The following HERC6 variants were observed in gnomAD, a reference collection of about 807,000 sequenced individuals.
The protein encoded by HERC6 is HECT and RLD domain containing E3 ubiquitin protein ligase family member 6.
A neutral mutation model predicts 114.5 loss-of-function variants in HERC6; 101 were observed. The ratio of observed to expected loss-of-function variants is 0.88; its 90% CI spans 0.75 to 1.04. HERC6 has a LOEUF of 1.04. HERC6 is among the 50% of genes least tolerant of loss of function. The probability of loss-of-function intolerance (pLI) is 0.00; values close to 1 mark genes in which losing one functional copy is unlikely to be tolerated. For synonymous variants in HERC6, 408 were observed against 436.2 expected, an observed-to-expected ratio of 0.94 and a Z score of 0.81; for missense variants, 1,133 against 1,230.9, an observed-to-expected ratio of 0.92 and a Z score of 1.19.
chr4:88,394,468 C>T (rs1735104186), intron 5 of HERC6, among the ~76,000 whole-genome samples: 1 of 126,374 alleles, frequency 7.9e-6, no homozygotes, highest in South Asian at 2.7e-4. Context: ...GCAAGACTCT[C>T]CTGTCCAAAA....
At position 88,381,803 on chromosome 4, in the gene HERC6, G is replaced by A. The variant is rs182054027; in HGVS notation, c.200-1418G>A. Among the ~76,000 whole-genome samples, 297 of 152,072 alleles carry A rather than the reference G, an allele frequency of 2.0e-3. 1 individual carries two copies. Among genetic ancestry groups the A allele is most frequent in the Non-Finnish European group, 3.1e-3 (211 of 67,980 alleles). On this transcript the variant is annotated intron_variant, in intron 1 of 22. Coordinates refer to ENST00000264346, the MANE Select transcript of HERC6 (RefSeq NM_017912.4). ...AAACTCCTGACCTCGTGATCCACCC[G>A]CCTCGGCCTCCCAAAGTGCTGGGAT...
At chr4:88,418,376 C>T (rs553922646) in intron 13 of HERC6, among the ~76,000 whole-genome samples, 7 of 152,306 alleles carry the variant, frequency 4.6e-5, no homozygotes, top group African/African-American at 1.7e-4. Context: ...CAAAAAATGA[C>T]TTAGGACAAG....
At chr4:88,410,423 T>A (rs1736030490) in intron 11 of HERC6, among the ~76,000 whole-genome samples, 1 of 152,166 alleles carries the variant, frequency 6.6e-6, no homozygotes, top group Admixed American at 6.5e-5. Context: ...GGAGGCAGGT[T>A]TGCACTAAGC....
chr4:88,420,635 G>T (rs926642698), intron 13 of HERC6, among the ~76,000 whole-genome samples: 16 of 151,998 alleles, frequency 1.1e-4, no homozygotes, highest in African/African-American at 3.6e-4. Context: ...GCTTTATTGA[G>T]ATATAATTCT....
intron 2 of HERC6, among the ~76,000 whole-genome samples, chr4:88,385,234 T>C (rs1365350099): frequency 6.6e-6 from 1 of 152,210 alleles, no homozygotes; most frequent in Non-Finnish European, 1.5e-5. Context: ...ATAAAATTAG[T>C]ATATTAGATA....
chr4:88,405,615 T>A lies in HERC6; in HGVS notation c.1274+2T>A. On this transcript the variant is annotated splice_donor_variant, in intron 10 of 22. Coordinates refer to ENST00000264346, the MANE Select transcript of HERC6 (RefSeq NM_017912.4). LOFTEE classifies it high-confidence loss of function. Reference sequence around the variant, plus strand: ...GACTGCAAGTTTTTTAAAGAAAAGGTAATACTTACATAAGATTTACCTTCA... The same window carrying A: ...GACTGCAAGTTTTTTAAAGAAAAGGAAATACTTACATAAGATTTACCTTCA... 6.8e-7 allele frequency: 1 copy of A among 1,461,192 alleles called. No individual in the cohort carries two copies. Among genetic ancestry groups the A allele is most frequent in the Non-Finnish European group, 9.4e-7 (1 of 1,064,022 alleles). 90.5% of individuals were successfully genotyped at this position (1,461,192 alleles called of 1,614,324 possible). A position where few individuals can be genotyped will look rare whatever the true frequency, so the allele number is the denominator to read the frequency against.
At position 88,379,139 on chromosome 4, in the gene HERC6, G is replaced by A. The variant is rs896938930; in HGVS notation, c.199+19G>A. 5 of 1,529,910 alleles carry A rather than the reference G, an allele frequency of 3.3e-6. No homozygotes were observed. In the Admixed American group the frequency reaches 9.9e-5, roughly 30 times the overall value. The allele number at this position is 1,529,910 out of a possible 1,614,324, so 94.8% of individuals were successfully genotyped here. On this transcript the variant is annotated intron_variant, in intron 1 of 22. Transcript: ENST00000264346. ...CTGCCAGGTGAGCGGGGGGCCCCAG[G>A]TGCAGGGTGTGAGGACCCCAGTACA...
At chr4:88,401,350 G>A (rs886735805) in intron 8 of HERC6, among the ~76,000 whole-genome samples, 3 of 151,818 alleles carry the variant, frequency 2.0e-5, no homozygotes, top group African/African-American at 7.3e-5. Flanking sequence ...AAAATTAGCC[G>A]GGTGTGGTGG....
intron 22 of HERC6, among the ~76,000 whole-genome samples, chr4:88,441,393 G>A (rs762601088): frequency 7.9e-5 from 12 of 151,974 alleles, no homozygotes; most frequent in Admixed American, 1.3e-4. Flanking sequence ...TTTTTTCCCC[G>A]TTTCAGACAT....
intron 17 of HERC6, among the ~76,000 whole-genome samples, chr4:88,434,864 G>A (rs1738582572): frequency 6.6e-6 from 1 of 152,056 alleles, no homozygotes; most frequent in East Asian, 1.9e-4. Context: ...CAAATTATGG[G>A]AAAGAAGACT....
chr4:88,439,804 G>A, intron 20 of HERC6, 70 bp from the exon 21 acceptor site: 1 of 1,317,936 alleles, frequency 7.6e-7, no homozygotes, highest in Non-Finnish European at 9.9e-7. Flanking sequence ...AAAGAACAAA[G>A]TATAAAATCT....
At chr4:88,387,102 A>G (rs1305308679) in intron 3 of HERC6, among the ~76,000 whole-genome samples, 1 of 152,204 alleles carries the variant, frequency 6.6e-6, no homozygotes, top group Admixed American at 6.5e-5. Flanking sequence ...TTACCTTACA[A>G]ACACATGAAC....
intron 8 of HERC6, among the ~76,000 whole-genome samples, chr4:88,403,783 A>T (rs1314307616): frequency 6.6e-6 from 1 of 151,944 alleles, no homozygotes; most frequent in Admixed American, 6.5e-5. Context: ...TAAAAATAAA[A>T]AAAATTTTAA....
At chr4:88,431,455 C>A in intron 17 of HERC6, 150 bp downstream of exon 17, 1 of 906,266 alleles carries the variant, frequency 1.1e-6, no homozygotes, top group Non-Finnish European at 1.6e-6. Flanking sequence ...CACAGAGCAG[C>A]AGCTATGGCG....
chr4:88,383,277 C>G lies in HERC6; in HGVS notation c.256C>G (p.His86Asp), dbSNP rs748986059. 5.6e-6 allele frequency: 9 copies of G among 1,604,546 alleles called. No homozygotes were observed. The highest frequency in any genetic ancestry group is 7.7e-6 in the Non-Finnish European group (9 of 1,175,614). ...IVDLVSCGKE[H>D]SLAVCHKGRV... ...TGATCTCGTGAGCTGCGGGAAGGAGCACTCCCTGGCTGTGTGCCACAAAGG... is the reference window on the plus strand; with the variant it reads ...TGATCTCGTGAGCTGCGGGAAGGAGGACTCCCTGGCTGTGTGCCACAAAGG... Residue 86 changes from histidine (H) to aspartate (D), a missense_variant, in exon 2 of 23, where the codon CAC becomes GAC. By Grantham distance (81) the His-to-Asp change is moderately conservative. Transcript: ENST00000264346.
intron 19 of HERC6, among the ~76,000 whole-genome samples, chr4:88,437,443 T>C (rs1336336999): frequency 6.6e-6 from 1 of 152,134 alleles, no homozygotes; most frequent in Non-Finnish European, 1.5e-5. Flanking sequence ...TACTCTCAAA[T>C]AAAGTGAAGC....
intron 3 of HERC6, among the ~76,000 whole-genome samples, chr4:88,388,723 G>A (rs559695635): frequency 5.5e-4 from 84 of 151,428 alleles, no homozygotes; most frequent in African/African-American, 1.7e-3. Context: ...CTTACAGGTA[G>A]CAGCCCTCAA....
At chr4:88,411,208 A>G (rs1736080520) in intron 11 of HERC6, among the ~76,000 whole-genome samples, 1 of 152,128 alleles carries the variant, frequency 6.6e-6, no homozygotes, top group Admixed American at 6.5e-5. Flanking sequence ...GATATGGGAG[A>G]TAATTTGGGG....
chr4:88,398,978 G>A (rs1163396796), intron 8 of HERC6: 1 of 152,182 alleles, frequency 6.6e-6, no homozygotes, highest in African/African-American at 2.4e-5. Flanking sequence ...CAACCCAGTA[G>A]CTTACACCAT....
Sources: allele counts gnomAD v4.1 joint callset (sites outside exome capture counted in the v4.1 genomes callset), GRCh38; gene constraint gnomAD v4.1.1; transcripts MANE v1.5; gene names NCBI Gene and HGNC (gene_info 2026-07-23, HGNC 2026-07-21).